The following SAXO2 variants were observed in gnomAD, a reference collection of about 807,000 sequenced individuals.
SAXO2 encodes stabilizer of axonemal microtubules 2.
A neutral mutation model predicts 18.7 loss-of-function variants in SAXO2; 17 were observed. The observed-to-expected ratio is 0.91, with a 90% CI of 0.62 to 1.36. The LOEUF (loss-of-function observed/expected upper bound fraction) is 1.36, where lower values mean the gene tolerates loss of function less well. SAXO2 is among the 40% of genes most tolerant of loss of function. SAXO2 has a pLI of 0.00. For missense variants in SAXO2, 486 were observed against 562.6 expected, an observed-to-expected ratio of 0.86 and a Z score of 1.38; for synonymous variants, 163 against 181.2, an observed-to-expected ratio of 0.90 and a Z score of 0.81.
chr15:82,278,227 A>T (rs985171285), intron 3 of SAXO2, among the ~76,000 whole-genome samples: 1 of 152,214 alleles, frequency 6.6e-6, no homozygotes, highest in Non-Finnish European at 1.5e-5. Context: ...CTGTCTTGGG[A>T]CCAACAATTA....
rs762507988 is a variant in SAXO2, at chr15:82,282,942, G to A, written c.1257G>A (p.Pro419=). 46 of 1,613,806 alleles carry A rather than the reference G, an allele frequency of 2.9e-5. No homozygotes were observed. The highest frequency in any genetic ancestry group is 2.1e-4 in the African/African-American group (16 of 74,876). The part of the protein sequence containing the change: ...DVTMYSVEYT[P]KRQEICPASY... ...CCATGTACTCTGTAGAGTACACACC[G>A]AAAAGACAGGAAATTTGCCCAGCCA... The change falls in exon 4 of 4, where the codon CCG becomes CCA. Residue 419 remains proline, a synonymous_variant. Coordinates refer to ENST00000682753, the MANE Select transcript of SAXO2 (RefSeq NM_001348699.2).
Position 82,282,830 on chromosome 15 carries a change from A to C in SAXO2, c.1145A>C (p.His382Pro). Reference sequence around the variant, plus strand: ...GATGGTTTGAGCACTTTCAGATCTCACTATGTGCCACATGAATTGATCCCA... The same window carrying C: ...GATGGTTTGAGCACTTTCAGATCTCCCTATGTGCCACATGAATTGATCCCA... ...KFDGLSTFRSHYVPHELIPTE... is the reference protein window; with the variant it reads ...KFDGLSTFRSPYVPHELIPTE... Residue 382 changes from histidine to proline, a missense_variant, in exon 4 of 4, where the codon CAC (histidine) becomes CCC (proline). Physicochemically the swap from His to Pro is moderately conservative, Grantham distance 77. Coordinates refer to ENST00000682753, the MANE Select transcript of SAXO2 (RefSeq NM_001348699.2). 6.2e-7 allele frequency: 1 copy of C among 1,613,904 alleles called. No homozygotes were observed.
intron 2 of SAXO2, among the ~76,000 whole-genome samples, chr15:82,268,056 C>G (rs1255871301): frequency 5.9e-5 from 9 of 152,102 alleles, no homozygotes; most frequent in Non-Finnish European, 1.3e-4. Context: ...ATAAAAATAT[C>G]AGCTAAATAA....
chr15:82,281,600 C>A (rs1326473553), intron 3 of SAXO2, among the ~76,000 whole-genome samples: 2 of 152,162 alleles, frequency 1.3e-5, no homozygotes, highest in Non-Finnish European at 2.9e-5. Flanking sequence ...CTAGAGTATA[C>A]CAGAATTAAA....
In SAXO2 at chr15:82,282,690, C is replaced by G; in HGVS notation, c.1005C>G (p.Asn335Lys). ...GGCCAGTTTCTCAAAAAAGAAGTAA[C>G]AATTTTCCTTTCCAAGGAAAAAGCA... ...PIRPVSQKRSNNFPFQGKSIM... is the reference protein window; with the variant it reads ...PIRPVSQKRSKNFPFQGKSIM... The change falls in exon 4 of 4, where the codon AAC (asparagine) becomes AAG (lysine). Residue 335 changes from asparagine (N) to lysine (K), a missense_variant. Transcript: ENST00000682753. 6.2e-7 allele frequency: 1 copy of G among 1,614,156 alleles called. No individual in the cohort carries two copies. Among genetic ancestry groups the G allele is most frequent in the Non-Finnish European group, 8.5e-7 (1 of 1,180,022 alleles).
intron 1 of SAXO2, among the ~76,000 whole-genome samples, chr15:82,263,941 G>A (rs1356344744): frequency 6.6e-6 from 1 of 151,976 alleles, no homozygotes; most frequent in Non-Finnish European, 1.5e-5. Context: ...TTTTGACAAT[G>A]CAATAAATAC....
chr15:82,283,044 TG>T lies in SAXO2; in HGVS notation c.1360del (p.Ala454GlnfsTer2). On this transcript the variant is annotated frameshift_variant, in exon 4 of 4. Coordinates refer to ENST00000682753, the MANE Select transcript of SAXO2 (RefSeq NM_001348699.2). LOFTEE classifies it high-confidence loss of function. ...ATAAATTCTTCCGCAAGATTATTCC[TG>T]CAGTGAAGGCCTTCTAATAACCAAA... ...GHKFFRKIIPAVKAF is the reference protein window; with the variant it reads ...GHKFFRKIIPXVKAF The T allele has an allele frequency of 6.2e-7, 1 of 1,611,192 alleles. No homozygotes were observed. The highest frequency in any genetic ancestry group is 1.3e-5 in the African/African-American group (1 of 74,982).
Position 82,282,143 on chromosome 15 carries a change from A to C in SAXO2, c.458A>C (p.His153Pro), listed in dbSNP as rs777859496. 6.2e-7 allele frequency: 1 copy of C among 1,612,394 alleles called. No individual in the cohort carries two copies. Among genetic ancestry groups the C allele is most frequent in the Non-Finnish European group, 8.5e-7 (1 of 1,179,424 alleles). The change falls in exon 4 of 4, where the codon CAT (histidine) becomes CCT (proline). Residue 153 changes from histidine to proline, a missense_variant. Physicochemically the swap from His to Pro is moderately conservative, Grantham distance 77. Transcript: ENST00000682753. ...YKDDYRAWDLHKSELYKPEQT... is the reference protein window; with the variant it reads ...YKDDYRAWDLPKSELYKPEQT... ...GACGATTATAGAGCTTGGGACCTTCATAAAAGTGAACTTTATAAGCCAGAA... is the reference window on the plus strand; with the variant it reads ...GACGATTATAGAGCTTGGGACCTTCCTAAAAGTGAACTTTATAAGCCAGAA...
chr15:82,282,681 A>C lies in SAXO2; in HGVS notation c.996A>C (p.Lys332Asn). The C allele has an allele frequency of 1.2e-6, 2 of 1,614,178 alleles. No individual in the cohort carries two copies. Among genetic ancestry groups the C allele is most frequent in the Non-Finnish European group, 1.7e-6 (2 of 1,180,022 alleles). The change falls in exon 4 of 4, where the codon AAA (lysine) becomes AAC (asparagine). Residue 332 changes from lysine to asparagine, a missense_variant. Coordinates refer to ENST00000682753, the MANE Select transcript of SAXO2 (RefSeq NM_001348699.2). Reference protein sequence around the residue: ...HVVPIRPVSQKRSNNFPFQGK... With the variant: ...HVVPIRPVSQNRSNNFPFQGK... ...TTCCCATCAGGCCAGTTTCTCAAAA[A>C]AGAAGTAACAATTTTCCTTTCCAAG...
intron 3 of SAXO2, 59 bp from the exon 4 acceptor site, chr15:82,282,060 A>T (rs1369937621): frequency 7.3e-7 from 1 of 1,373,532 alleles, no homozygotes; most frequent in African/African-American, 1.5e-5. Flanking sequence ...TATGATTTTT[A>T]GAAGATGGTT....
chr15:82,271,980 TTGTC>T, intron 3 of SAXO2, 178 bp downstream of exon 3: 1 of 550,034 alleles, frequency 1.8e-6, no homozygotes, highest in East Asian at 3.0e-5. Flanking sequence ...AATAGGCCAT[TTGTC>T]TGATTGAGTG....
At chr15:82,266,284 C>A (rs1226175697) in intron 2 of SAXO2, among the ~76,000 whole-genome samples, 1 of 152,252 alleles carries the variant, frequency 6.6e-6, no homozygotes, top group East Asian at 1.9e-4. Flanking sequence ...GGAATGCAGT[C>A]ACTTTCTAAG....
chr15:82,268,764 GAGTAGGATTCTAGACA>G (rs2075243183), intron 2 of SAXO2, among the ~76,000 whole-genome samples: 1 of 152,206 alleles, frequency 6.6e-6, no homozygotes, highest in African/African-American at 2.4e-5. Flanking sequence ...TGCCCTGAAC[GAGTAGGATTCTAGACA>G]CATCAAATGT....
At chr15:82,266,800 G>C (rs1183152585) in intron 2 of SAXO2, among the ~76,000 whole-genome samples, 1 of 152,118 alleles carries the variant, frequency 6.6e-6, no homozygotes, top group Non-Finnish European at 1.5e-5. Flanking sequence ...ATGAAAGCAG[G>C]AACTAAGTCT....
chr15:82,265,168 C>T (rs552720349), intron 1 of SAXO2, among the ~76,000 whole-genome samples: 152 of 152,006 alleles, frequency 1.0e-3, no homozygotes, highest in Non-Finnish European at 1.8e-3. Flanking sequence ...TGAGACAGAG[C>T]CTTGTTCTGT....
intron 3 of SAXO2, among the ~76,000 whole-genome samples, chr15:82,275,281 C>CAAAAAAAA (rs756023248): frequency 6.1e-4 from 28 of 45,872 alleles, no homozygotes; most frequent in East Asian, 1.8e-3. Flanking sequence ...ACCTATCAAC[C>CAAAAAAAA]AAAAAAAAAA....
At chr15:82,274,042 A>G (rs1454730262) in intron 3 of SAXO2, among the ~76,000 whole-genome samples, 1 of 152,090 alleles carries the variant, frequency 6.6e-6, no homozygotes, top group Non-Finnish European at 1.5e-5. Context: ...GGTCTCTTAT[A>G]CAATCACAGT....
At position 82,282,237 on chromosome 15, in the gene SAXO2, G is replaced by C. The variant is rs1204477129; in HGVS notation, c.552G>C (p.Gln184His). 1 of 1,614,174 alleles carries C rather than the reference G, an allele frequency of 6.2e-7. No homozygotes were observed. The highest frequency in any genetic ancestry group is 8.5e-7 in the Non-Finnish European group (1 of 1,180,032). The change falls in exon 4 of 4, where the codon CAG becomes CAC. Residue 184 changes from glutamine to histidine, a missense_variant. Transcript: ENST00000682753. ...STTFQDDFVP[Q>H]EIKPRQSFKP... ...CATTTCAGGATGATTTTGTTCCTCA[G>C]GAGATAAAGCCTAGGCAAAGCTTTA...
At chr15:82,272,308 G>T (rs922554407) in intron 3 of SAXO2, among the ~76,000 whole-genome samples, 1 of 152,208 alleles carries the variant, frequency 6.6e-6, no homozygotes, top group African/African-American at 2.4e-5. Flanking sequence ...AGTAGAGAAT[G>T]AACTTTTCAT....
Sources: gnomAD v4.1 joint callset for allele counts (sites outside exome capture counted in the v4.1 genomes callset) on GRCh38, gnomAD v4.1.1 for gene constraint, MANE v1.5 for transcripts, NCBI Gene and HGNC (gene_info 2026-07-23, HGNC 2026-07-21) for gene names.